The following YWHAB variants were observed in gnomAD, a reference collection of about 807,000 sequenced individuals.
The protein encoded by YWHAB is 14-3-3 protein beta/alpha.
A neutral mutation model predicts 28.5 loss-of-function variants in YWHAB; 2 were observed. The observed-to-expected ratio is 0.07, with a 90% CI of 0.03 to 0.22. YWHAB has a LOEUF of 0.22. Among genes scored for constraint, YWHAB ranks in the 10% least tolerant of loss-of-function variants. YWHAB has a pLI of 1.00. For synonymous variants in YWHAB, 103 were observed against 104.7 expected (o/e 0.98, Z 0.10); for missense variants, 148 against 297.1 (o/e 0.50, Z 3.69).
Position 44,901,527 on chromosome 20 carries a change from C to T in YWHAB, c.-3-4C>T. 6.3e-7 allele frequency: 1 copy of T among 1,581,378 alleles called. No individual in the cohort carries two copies. Among genetic ancestry groups the T allele is most frequent in the Non-Finnish European group, 8.6e-7 (1 of 1,156,316 alleles). ...TCTTTCTTTTTCTCTTGCTCTTGTT[C>T]TAGGGAATGACAATGGATAAAAGTG... On this transcript the variant is annotated splice_polypyrimidine_tract_variant and splice_region_variant and intron_variant, in intron 1 of 5. Transcript: ENST00000353703.
At chr20:44,905,950 A>C (rs1456199889) in intron 4 of YWHAB, 51 bp from the exon 5 acceptor site, 1 of 1,516,844 alleles carries the variant, frequency 6.6e-7, no homozygotes, top group East Asian at 2.3e-5. Context: ...AAGTGGGCTA[A>C]ACTAGCTCCA....
At chr20:44,893,380 A>G (rs1356347427) in intron 1 of YWHAB, among the ~76,000 whole-genome samples, 1 of 152,164 alleles carries the variant, frequency 6.6e-6, no homozygotes, top group Non-Finnish European at 1.5e-5. Flanking sequence ...AAACAGAAAA[A>G]CACTTTTTTT....
Position 44,907,696 on chromosome 20 carries a change from A to C in YWHAB, c.*1258A>C, listed in dbSNP as rs1347198478. ...TTATCTGTCTTTTGTTCACTTTTTA[A>C]TGCTATATATGGGCAGGGGTGAGAG... On this transcript the variant is annotated 3_prime_UTR_variant, in exon 6 of 6. Transcript: ENST00000353703. 1 of 151,376 alleles carries C rather than the reference A, an allele frequency of 6.6e-6. No individual in the cohort carries two copies. Among genetic ancestry groups the C allele is most frequent in the African/African-American group, 2.4e-5 (1 of 41,068 alleles). 9.4% of individuals were successfully genotyped at this position (151,376 alleles called of 1,614,324 possible).
At position 44,906,149 on chromosome 20, in the gene YWHAB, T is replaced by C. The variant is rs562545819; in HGVS notation, c.684+53T>C. 2.0e-5 allele frequency: 28 copies of C among 1,396,370 alleles called. 1 individual carries two copies. In the East Asian group the frequency reaches 4.6e-4, roughly 23 times the overall value. The allele number at this position is 1,396,370 out of a possible 1,614,324, so 86.5% of individuals were successfully genotyped here. Reference sequence around the variant, plus strand: ...GTCTCTTTCCTATTCACCTACTTAATAATTCACTGTTATCTTCAAGAGGGG... The same window carrying C: ...GTCTCTTTCCTATTCACCTACTTAACAATTCACTGTTATCTTCAAGAGGGG... On this transcript the variant is annotated intron_variant, in intron 5 of 5. Transcript: ENST00000353703.
chr20:44,898,857 C>G (rs1312494813), intron 1 of YWHAB, among the ~76,000 whole-genome samples: 1 of 151,932 alleles, frequency 6.6e-6, no homozygotes, highest in Non-Finnish European at 1.5e-5. Context: ...TGGCTCACAC[C>G]TGTAATTCCA....
At chr20:44,905,876 A>G in intron 4 of YWHAB, 125 bp from the exon 5 acceptor site, 1 of 687,938 alleles carries the variant, frequency 1.5e-6, no homozygotes, top group Non-Finnish European at 2.5e-6. Context: ...ACAGGGTAAT[A>G]ATAGCCTAGG....
chr20:44,906,835 A>G lies in YWHAB; in HGVS notation c.*397A>G, dbSNP rs1378328728. 1 of 160,372 alleles carries G rather than the reference A, an allele frequency of 6.2e-6. No homozygotes were observed. The highest frequency in any genetic ancestry group is 1.4e-5 in the Non-Finnish European group (1 of 72,236). 9.9% of individuals were successfully genotyped at this position (160,372 alleles called of 1,614,324 possible). A position where few individuals can be genotyped will look rare whatever the true frequency, so the allele number is the denominator to read the frequency against. On this transcript the variant is annotated 3_prime_UTR_variant, in exon 6 of 6. Coordinates refer to ENST00000353703, the MANE Select transcript of YWHAB (RefSeq NM_139323.4). ...AAAATAATCATTGAAATACAATTCC[A>G]TTGTAAAGTTGTACAGAAAGTTATA...
At chr20:44,903,084 G>A in intron 2 of YWHAB, 1 of 986,530 alleles carries the variant, frequency 1.0e-6, no homozygotes, top group African/African-American at 1.7e-5. Flanking sequence ...ATATTGCTCT[G>A]TATACGAAGC....
intron 1 of YWHAB, among the ~76,000 whole-genome samples, chr20:44,894,710 T>G (rs2066585336): frequency 6.6e-6 from 1 of 152,216 alleles, no homozygotes; most frequent in Non-Finnish European, 1.5e-5. Flanking sequence ...ATTTCCACAT[T>G]TAGTATTCTT....
intron 1 of YWHAB, among the ~76,000 whole-genome samples, chr20:44,897,787 T>C (rs955327869): frequency 1.3e-5 from 2 of 152,260 alleles, no homozygotes; most frequent in Non-Finnish European, 2.9e-5. Context: ...GATGTACTTG[T>C]ATTAGAGTAG....
chr20:44,899,207 G>A (rs920426681), intron 1 of YWHAB, among the ~76,000 whole-genome samples: 4 of 152,106 alleles, frequency 2.6e-5, no homozygotes, highest in African/African-American at 7.2e-5. Context: ...GCTAGGTGCA[G>A]TGGGTCACGC....
chr20:44,899,273 G>A (rs1423371222), intron 1 of YWHAB, among the ~76,000 whole-genome samples: 1 of 152,236 alleles, frequency 6.6e-6, no homozygotes, highest in African/African-American at 2.4e-5. Flanking sequence ...GAGTTTAGGA[G>A]TTCAAGACCA....
At chr20:44,889,812 T>C (rs1172328966) in intron 1 of YWHAB, among the ~76,000 whole-genome samples, 2 of 152,232 alleles carry the variant, frequency 1.3e-5, no homozygotes, top group Non-Finnish European at 2.9e-5. Context: ...CCTTGTATAG[T>C]TCTTTTAAAA....
intron 1 of YWHAB, among the ~76,000 whole-genome samples, chr20:44,900,922 C>T (rs916746677): frequency 2.0e-5 from 3 of 152,070 alleles, no homozygotes; most frequent in Non-Finnish European, 4.4e-5. Flanking sequence ...ATTACAAATG[C>T]CTGCCACCAC....
chr20:44,903,937 C>T, intron 2 of YWHAB, 56 bp from the exon 3 acceptor site: 1 of 1,560,026 alleles, frequency 6.4e-7, no homozygotes. Context: ...GAATCTCAAA[C>T]ATAGTTTTAA....
intron 1 of YWHAB, among the ~76,000 whole-genome samples, chr20:44,893,997 A>G (rs2066580117): frequency 6.6e-6 from 1 of 152,090 alleles, no homozygotes; most frequent in Non-Finnish European, 1.5e-5. Flanking sequence ...GCACCTGGCC[A>G]GTCTCCTTAT....
intron 1 of YWHAB, among the ~76,000 whole-genome samples, chr20:44,896,414 G>GT (rs1490609742): frequency 6.6e-6 from 1 of 152,198 alleles, no homozygotes; most frequent in Non-Finnish European, 1.5e-5. Context: ...GCCATTCCAG[G>GT]TAGAGGGAGT....
At chr20:44,904,816 A>C (rs1321254684) in intron 3 of YWHAB, 152 bp from the exon 4 acceptor site, 1 of 680,754 alleles carries the variant, frequency 1.5e-6, no homozygotes, top group African/African-American at 1.8e-5. Context: ...TATCTAACAA[A>C]TGTATAATTG....
rs752460963 is a variant in YWHAB at position 44,904,127 on chromosome 20, T to C, written c.424+11T>C. ...GAGACAACAAACAAAGTAAGTAATA[T>C]CTTTAAAAAGAAATTCGACCAGTAA... is the stretch of plus-strand genomic sequence containing the variant. On this transcript the variant is annotated intron_variant, in intron 3 of 5. Coordinates refer to ENST00000353703, the MANE Select transcript of YWHAB (RefSeq NM_139323.4). 2.1e-5 allele frequency: 34 copies of C among 1,611,626 alleles called. No homozygotes were observed. The South Asian group carries it at 3.5e-4, about 17-fold the overall frequency.
Sources: allele counts gnomAD v4.1 joint callset (sites outside exome capture counted in the v4.1 genomes callset), GRCh38; gene constraint gnomAD v4.1.1; transcripts MANE v1.5; gene names NCBI Gene and HGNC (gene_info 2026-07-23, HGNC 2026-07-21).